Variants in KIF26B observed in about 807,000 individuals in gnomAD.
KIF26B encodes the protein kinesin-like protein KIF26B.
KIF26B carries 63 observed loss-of-function variants against 151.2 expected under a neutral mutation model. The observed-to-expected ratio is 0.42, with a 90% CI of 0.34 to 0.51. The LOEUF (loss-of-function observed/expected upper bound fraction) is 0.51. Ranked by LOEUF, KIF26B falls within the 20% of genes least tolerant of loss-of-function variation. KIF26B has a pLI of 0.07. For missense variants in KIF26B, 2,813 were observed against 2,913.6 expected, an observed-to-expected ratio of 0.97 and a Z score of 0.79; for synonymous variants, 1,357 against 1,262.1, an observed-to-expected ratio of 1.08 and a Z score of -1.59.
chr1:245,328,748 G>A (rs1035430575), intron 2 of KIF26B, among the ~76,000 whole-genome samples: 1 of 152,198 alleles, frequency 6.6e-6, no homozygotes, highest in Non-Finnish European at 1.5e-5. Flanking sequence ...TCTCCACACT[G>A]GCAGGGCTGT....
chr1:245,273,994 G>C (rs1670896494), intron 2 of KIF26B, among the ~76,000 whole-genome samples: 1 of 151,704 alleles, frequency 6.6e-6, no homozygotes, highest in South Asian at 2.1e-4. Context: ...AATGTTCTTT[G>C]ATTACTTTTT....
Position 245,488,496 on chromosome 1 carries a change from C to T in KIF26B, c.1167-52271C>T, listed in dbSNP as rs553222209. On this transcript the variant is annotated intron_variant, in intron 4 of 14. Coordinates refer to ENST00000407071, the MANE Select transcript of KIF26B (RefSeq NM_018012.4). This position sits in a 1 kb window ranked among gnomAD's most constrained non-coding sequence, Gnocchi z 4.6. ...CTGAGCCATGACACCTGTCACTTCC[C>T]GTCTGAGCAGTTCCTGAAGAAACAG... 7.9e-5 allele frequency among the ~76,000 whole-genome samples: 12 copies of T among 152,190 alleles called. No homozygotes were observed. Among genetic ancestry groups the T allele is most frequent in the African/African-American group, 2.4e-4 (10 of 41,528 alleles).
chr1:245,580,061 G>A (rs1298071148), intron 5 of KIF26B, among the ~76,000 whole-genome samples: 2 of 152,116 alleles, frequency 1.3e-5, no homozygotes, highest in Non-Finnish European at 2.9e-5. Flanking sequence ...TTTTCCAGCT[G>A]TACCGTGCCG....
chr1:245,623,771 T>G (rs1358411876), intron 9 of KIF26B, among the ~76,000 whole-genome samples: 1 of 152,242 alleles, frequency 6.6e-6, no homozygotes, highest in Non-Finnish European at 1.5e-5. Flanking sequence ...ATGTTTACGT[T>G]GGGTCCTATT....
intron 5 of KIF26B, among the ~76,000 whole-genome samples, chr1:245,541,528 T>G (rs1476240949): frequency 6.6e-6 from 1 of 152,250 alleles, no homozygotes; most frequent in Non-Finnish European, 1.5e-5. Context: ...CACTTTATTT[T>G]TAAATGTCAT....
At position 245,209,543 on chromosome 1, in the gene KIF26B, CAGAA is replaced by C. The variant is rs527954905; in HGVS notation, c.465+52864_465+52867del. ...ACATAAAGGGAGCTCTAAAAGGTTA[CAGAA>C]AGAGCTGTGGGACATAGAGAGAGGT... On this transcript the variant is annotated intron_variant, in intron 2 of 14. Coordinates refer to ENST00000407071, the MANE Select transcript of KIF26B (RefSeq NM_018012.4). Among the ~76,000 whole-genome samples, 21 of 152,178 alleles carry C rather than the reference CAGAA, an allele frequency of 1.4e-4. 1 individual carries two copies. The South Asian group carries it at 4.4e-3, about 32-fold the overall frequency.
At chr1:245,496,563 G>A (rs1660517396) in intron 4 of KIF26B, among the ~76,000 whole-genome samples, 2 of 152,032 alleles carry the variant, frequency 1.3e-5, no homozygotes, top group South Asian at 2.1e-4. Flanking sequence ...GTAAAATAAT[G>A]CATAAAAGGG....
chr1:245,583,297 C>T (rs140110244), intron 5 of KIF26B, among the ~76,000 whole-genome samples: 5 of 152,270 alleles, frequency 3.3e-5, no homozygotes, highest in African/African-American at 1.2e-4. Context: ...CGATGCTGGG[C>T]TTGTGGAGAT....
intron 2 of KIF26B, among the ~76,000 whole-genome samples, chr1:245,212,233 T>C (rs1013416246): frequency 6.6e-5 from 10 of 152,164 alleles, no homozygotes; most frequent in Admixed American, 2.6e-4. Flanking sequence ...GAGAAGTGTC[T>C]TTATTGCTCA....
At chr1:245,639,122 G>C (rs2103179018) in intron 9 of KIF26B, among the ~76,000 whole-genome samples, 1 of 151,890 alleles carries the variant, frequency 6.6e-6, no homozygotes, top group African/African-American at 2.4e-5. Context: ...TCTTTGATGG[G>C]AGACTTTTTA....
chr1:245,402,075 G>A (rs1316656017), intron 3 of KIF26B, among the ~76,000 whole-genome samples: 2 of 152,200 alleles, frequency 1.3e-5, no homozygotes, highest in African/African-American at 4.8e-5. Flanking sequence ...TGGGACTGCA[G>A]TAGGGTGAGG....
intron 9 of KIF26B, among the ~76,000 whole-genome samples, chr1:245,643,269 C>T (rs2103183049): frequency 6.6e-6 from 1 of 152,136 alleles, no homozygotes; most frequent in South Asian, 2.1e-4. Context: ...CTATTTGTCC[C>T]ATCTGATCTT....
At chr1:245,511,051 T>G (rs1007294925) in intron 4 of KIF26B, 1 of 713,242 alleles carries the variant, frequency 1.4e-6, no homozygotes, top group Non-Finnish European at 2.6e-6. Context: ...AAGCTATTTA[T>G]TAGCAGACGT....
intron 4 of KIF26B, among the ~76,000 whole-genome samples, chr1:245,493,950 G>C (rs1057319153): frequency 6.6e-6 from 1 of 152,040 alleles, no homozygotes; most frequent in Non-Finnish European, 1.5e-5. Context: ...TACTGCAAGA[G>C]ACTAAGCAAA....
At chr1:245,498,492 G>A (rs1045320322) in intron 4 of KIF26B, among the ~76,000 whole-genome samples, 4 of 152,166 alleles carry the variant, frequency 2.6e-5, no homozygotes, top group African/African-American at 9.7e-5. Context: ...GCAGAAGTGA[G>A]GGGCGGGAGA....
At chr1:245,473,921 G>A (rs1049120853) in intron 4 of KIF26B, among the ~76,000 whole-genome samples, 2 of 151,790 alleles carry the variant, frequency 1.3e-5, no homozygotes, top group African/African-American at 4.8e-5. Context: ...TTTTGGGGGT[G>A]CATGTGATAA....
intron 12 of KIF26B, among the ~76,000 whole-genome samples, chr1:245,697,013 G>A (rs1398167516): frequency 6.6e-6 from 1 of 152,106 alleles, no homozygotes; most frequent in African/African-American, 2.4e-5. Context: ...TGGGAGGCTG[G>A]GGCAGGAGAA....
chr1:245,465,478 TAGAG>T (rs1231634075), intron 4 of KIF26B, among the ~76,000 whole-genome samples: 5 of 152,048 alleles, frequency 3.3e-5, no homozygotes, highest in Non-Finnish European at 7.4e-5. Context: ...AGGCACGGCT[TAGAG>T]AGATTCTATC....
At chr1:245,187,075 T>C (rs1669013380) in intron 2 of KIF26B, among the ~76,000 whole-genome samples, 1 of 152,196 alleles carries the variant, frequency 6.6e-6, no homozygotes, top group South Asian at 2.1e-4. Context: ...CAGGATGGTC[T>C]CGATCTCTTG....
Sources: allele counts gnomAD v4.1 joint callset (sites outside exome capture counted in the v4.1 genomes callset), GRCh38; gene constraint gnomAD v4.1.1; non-coding constraint Gnocchi (gnomAD v3.1); transcripts MANE v1.5; gene names NCBI Gene and HGNC (gene_info 2026-07-23, HGNC 2026-07-21).